MACROD2: variants seen among roughly 807,000 people sequenced by gnomAD.
MACROD2 encodes the protein ADP-ribose glycohydrolase MACROD2.
In MACROD2, 36 loss-of-function variants were observed where a neutral mutation model predicts 70.4. The ratio of observed to expected loss-of-function variants is 0.51; its 90% CI spans 0.39 to 0.68. The LOEUF is 0.68. Ranked by LOEUF, MACROD2 falls within the 30% of genes least tolerant of loss-of-function variation. MACROD2 has a pLI of 0.00. For missense variants in MACROD2, 496 were observed against 538.4 expected (o/e 0.92, Z 0.78); for synonymous variants, 172 against 178.8 (o/e 0.96, Z 0.30).
intron 6 of MACROD2, among the ~76,000 whole-genome samples, chr20:15,272,102 T>A (rs1279970152): frequency 6.6e-6 from 1 of 152,220 alleles, no homozygotes; most frequent in Non-Finnish European, 1.5e-5. Flanking sequence ...TATTTAACCT[T>A]TGTATTCTTT....
chr20:14,352,480 G>C (rs1429309951), intron 3 of MACROD2: 1 of 152,034 alleles, frequency 6.6e-6, no homozygotes. Context: ...ATATTTATTA[G>C]GATAACTTCT....
intron 3 of MACROD2, among the ~76,000 whole-genome samples, chr20:14,328,754 A>G (rs1467502016): frequency 6.6e-6 from 1 of 152,098 alleles, no homozygotes; most frequent in Admixed American, 6.6e-5. Context: ...TGCTGTTGTC[A>G]ATGAACATTC....
rs1470125934 is a variant in MACROD2 at position 14,160,624 on chromosome 20, G to A, written c.271+74896G>A. Among the ~76,000 whole-genome samples, 4 of 151,876 alleles carry A rather than the reference G, an allele frequency of 2.6e-5. No homozygotes were observed. In the South Asian group the frequency reaches 8.3e-4, roughly 31 times the overall value. Reference sequence around the variant, plus strand: ...GTCTTTGCTCTTCTTTTCTGTGTTAGTATAGCAAGTAGCTTATCAATTTTG... The same window carrying A: ...GTCTTTGCTCTTCTTTTCTGTGTTAATATAGCAAGTAGCTTATCAATTTTG... On this transcript the variant is annotated intron_variant, in intron 3 of 17. Coordinates refer to ENST00000684519, the MANE Select transcript of MACROD2 (RefSeq NM_001351661.2).
intron 5 of MACROD2, among the ~76,000 whole-genome samples, chr20:14,866,155 G>C (rs933256853): frequency 1.4e-4 from 21 of 152,068 alleles, no homozygotes; most frequent in African/African-American, 5.1e-4. Context: ...CCATAGTTAT[G>C]CATACAATTA....
rs574058036 is a variant in MACROD2 at position 14,450,671 on chromosome 20, A to G, written c.272-42808A>G. Among the ~76,000 whole-genome samples the G allele has an allele frequency of 2.6e-5, 4 of 152,290 alleles. No homozygotes were observed. The South Asian group carries it at 6.2e-4, about 24-fold the overall frequency. On this transcript the variant is annotated intron_variant, in intron 3 of 17. Coordinates refer to ENST00000684519, the MANE Select transcript of MACROD2 (RefSeq NM_001351661.2). ...ATTTTAAGTTAGCATGGATTTAAAT[A>G]CAAATATGCTATATAGTTATACTTA...
chr20:14,403,238 C>A (rs2083657499), intron 3 of MACROD2, among the ~76,000 whole-genome samples: 1 of 152,104 alleles, frequency 6.6e-6, no homozygotes, highest in Non-Finnish European at 1.5e-5. Flanking sequence ...ATTGTACCCC[C>A]AAACACTGAC....
At chr20:15,355,455 G>C (rs772578313) in intron 6 of MACROD2, among the ~76,000 whole-genome samples, 1 of 152,082 alleles carries the variant, frequency 6.6e-6, no homozygotes, top group Admixed American at 6.6e-5. Context: ...GTAAAATCTG[G>C]GTGCATCTTC....
intron 8 of MACROD2, among the ~76,000 whole-genome samples, chr20:15,788,539 T>G (rs2051969974): frequency 6.6e-6 from 1 of 152,236 alleles, no homozygotes; most frequent in Non-Finnish European, 1.5e-5. Context: ...AGTTAGTTTA[T>G]GTAGTGAAGG....
intron 10 of MACROD2, among the ~76,000 whole-genome samples, chr20:15,905,394 T>A (rs2065132213): frequency 6.6e-6 from 1 of 152,228 alleles, no homozygotes; most frequent in Admixed American, 6.5e-5. Context: ...GTACCTTTCT[T>A]TAAATGTTAT....
chr20:15,975,965 A>G (rs2066300256), intron 13 of MACROD2, among the ~76,000 whole-genome samples: 1 of 152,212 alleles, frequency 6.6e-6, no homozygotes, highest in Admixed American at 6.5e-5. Context: ...ATTTTTATAA[A>G]AGTACAGTTT....
intron 6 of MACROD2, among the ~76,000 whole-genome samples, chr20:15,255,500 G>T (rs1467892716): frequency 4.6e-5 from 7 of 152,118 alleles, no homozygotes; most frequent in Non-Finnish European, 1.0e-4. Context: ...GAATTAGGTT[G>T]ACATTTACAT....
chr20:14,908,515 CTTG>C (rs2073987964), intron 5 of MACROD2, among the ~76,000 whole-genome samples: 1 of 151,854 alleles, frequency 6.6e-6, no homozygotes, highest in African/African-American at 2.4e-5. Context: ...ATTAGCCGGA[CTTG>C]TTGTCAAACA....
intron 5 of MACROD2, among the ~76,000 whole-genome samples, chr20:15,121,320 T>C (rs2076028426): frequency 6.6e-6 from 1 of 152,066 alleles, no homozygotes; most frequent in African/African-American, 2.4e-5. Context: ...GAGACCAGCC[T>C]GGCCAACACG....
At position 14,681,790 on chromosome 20, in the gene MACROD2, A is replaced by T. The variant is rs116439749; in HGVS notation, c.302-3053A>T. Among the ~76,000 whole-genome samples the T allele has an allele frequency of 2.6e-3, 401 of 152,272 alleles. 1 individual carries two copies. The highest frequency in any genetic ancestry group is 9.2e-3 in the African/African-American group (383 of 41,570). On this transcript the variant is annotated intron_variant, in intron 4 of 17. Coordinates refer to ENST00000684519, the MANE Select transcript of MACROD2 (RefSeq NM_001351661.2). ...TGGGAATTTAAAAGTAATGTAATAG[A>T]GTGCTTCGATATGCCACATGCAGGA... is the stretch of plus-strand genomic sequence containing the variant.
chr20:15,206,806 G>A (rs556112403), intron 5 of MACROD2, among the ~76,000 whole-genome samples: 10 of 140,914 alleles, frequency 7.1e-5, no homozygotes, highest in Non-Finnish European at 9.0e-5. Flanking sequence ...GCGCAATCTC[G>A]GCTCACTGCA....
chr20:14,549,574 C>A (rs6074755), intron 4 of MACROD2, among the ~76,000 whole-genome samples: 89,389 of 151,688 alleles, frequency 0.59, 27,175 homozygotes, highest in South Asian at 0.74. Context: ...TTATGCTTGG[C>A]AGATTACTTC....
At chr20:15,365,488 A>G (rs536187325) in intron 6 of MACROD2, among the ~76,000 whole-genome samples, 2 of 152,106 alleles carry the variant, frequency 1.3e-5, no homozygotes, top group South Asian at 2.1e-4. Flanking sequence ...ACAGGATGAA[A>G]CCCTGTACTA....
At chr20:16,003,082 C>CA (rs2066735446) in intron 15 of MACROD2, among the ~76,000 whole-genome samples, 549 of 53,068 alleles carry the variant, frequency 0.01, 2 homozygotes, top group African/African-American at 0.032. Flanking sequence ...ACCCACCCAC[C>CA]CACACACACA....
intron 8 of MACROD2, among the ~76,000 whole-genome samples, chr20:15,556,229 C>A (rs1420448742): frequency 6.6e-6 from 1 of 152,150 alleles, no homozygotes; most frequent in East Asian, 1.9e-4. Context: ...GGGGATTAAA[C>A]CTTCTGGCTT....
Sources: gnomAD v4.1 joint callset for allele counts (sites outside exome capture counted in the v4.1 genomes callset) on GRCh38, gnomAD v4.1.1 for gene constraint, MANE v1.5 for transcripts, NCBI Gene and HGNC (gene_info 2026-07-23, HGNC 2026-07-21) for gene names.